The following BRWD1 variants were observed in gnomAD, a reference collection of about 807,000 sequenced individuals.
BRWD1 encodes bromodomain and WD repeat-containing protein 1.
In BRWD1, 82 loss-of-function variants were observed where a neutral mutation model predicts 251.2. That is an observed-to-expected ratio of 0.33 (90% CI 0.27 to 0.39). The LOEUF (loss-of-function observed/expected upper bound fraction) is 0.39, where lower values mean the gene tolerates loss of function less well. BRWD1 is among the 10% of genes least tolerant of loss of function. The probability of loss-of-function intolerance (pLI) is 1.00; values close to 1 mark genes in which losing one functional copy is unlikely to be tolerated. For synonymous variants in BRWD1, 918 were observed against 902.8 expected, an observed-to-expected ratio of 1.02 and a Z score of -0.30; for missense variants, 2,233 against 2,711.6, an observed-to-expected ratio of 0.82 and a Z score of 3.92.
intron 17 of BRWD1, among the ~76,000 whole-genome samples, chr21:39,260,419 C>T (rs2034703755): frequency 6.6e-6 from 1 of 152,028 alleles, no homozygotes; most frequent in Non-Finnish European, 1.5e-5. Context: ...AGATTACAAG[C>T]GTGAGCCACT....
chr21:39,195,183 A>T lies in BRWD1; in HGVS notation c.*1076T>A, dbSNP rs1344693898. 1 of 1,053,020 alleles carries T rather than the reference A, an allele frequency of 9.5e-7. No homozygotes were observed. The highest frequency in any genetic ancestry group is 1.1e-6 in the Non-Finnish European group (1 of 872,994). The allele number at this position is 1,053,020 out of a possible 1,614,324, so 65.2% of individuals were successfully genotyped here. A position where few individuals can be genotyped will look rare whatever the true frequency, so the allele number is the denominator to read the frequency against. On this transcript the variant is annotated 3_prime_UTR_variant, in exon 41 of 41. Transcript: ENST00000342449. Reference sequence around the variant, plus strand: ...GTTGCCCCAGCAAAGAATGCTTAGGATTGCACATGGAAGCAGTAAACTAAA... The same window carrying T: ...GTTGCCCCAGCAAAGAATGCTTAGGTTTGCACATGGAAGCAGTAAACTAAA...
At chr21:39,258,153 C>T (rs1229187240) in intron 18 of BRWD1, among the ~76,000 whole-genome samples, 2 of 152,248 alleles carry the variant, frequency 1.3e-5, no homozygotes, top group Non-Finnish European at 1.5e-5. Flanking sequence ...CTACCCAATA[C>T]AGTTTTTCAA....
chr21:39,211,645 T>C (rs369070005), intron 34 of BRWD1, among the ~76,000 whole-genome samples: 154 of 152,250 alleles, frequency 1.0e-3, no homozygotes, highest in African/African-American at 3.7e-3. Flanking sequence ...TATCAGGTAA[T>C]ACATTTTTAT....
chr21:39,297,763 G>C (rs1317785090), intron 5 of BRWD1: 1 of 584,092 alleles, frequency 1.7e-6, no homozygotes, highest in Non-Finnish European at 2.2e-6. Context: ...AATAATCATG[G>C]GATGAACTTG....
At chr21:39,241,951 C>T (rs1183965032) in intron 21 of BRWD1, among the ~76,000 whole-genome samples, 2 of 152,174 alleles carry the variant, frequency 1.3e-5, no homozygotes, top group East Asian at 1.9e-4. Context: ...TAAGATAGCA[C>T]ACTTAATGAA....
chr21:39,202,307 T>C lies in BRWD1; in HGVS notation c.4585+18A>G, dbSNP rs571142628. The C allele has an allele frequency of 1.6e-4, 249 of 1,578,708 alleles. 1 individual carries two copies. The South Asian group carries it at 2.7e-3, about 17-fold the overall frequency. ...TTGGGTGCTCAGCAAAGAAATAACA[T>C]AGTATTTCACTTCTCACCAGATAAT... is the stretch of plus-strand genomic sequence containing the variant. On this transcript the variant is annotated intron_variant, in intron 38 of 40. Transcript: ENST00000342449.
chr21:39,188,407 C>T lies in BRWD1; in HGVS notation c.*7852G>A. ...GATATCCTCCACCCACACTAGACAT[C>T]TGGAGGACTCCACCACATTCTTTTT... On this transcript the variant is annotated 3_prime_UTR_variant, in exon 41 of 41. Transcript: ENST00000342449. 1 of 985,386 alleles carries T rather than the reference C, an allele frequency of 1.0e-6. No individual in the cohort carries two copies. Among genetic ancestry groups the T allele is most frequent in the Non-Finnish European group, 1.2e-6 (1 of 829,888 alleles). The allele number at this position is 985,386 out of a possible 1,614,324, so 61.0% of individuals were successfully genotyped here.
At chr21:39,284,822 T>C (rs1289983736) in intron 8 of BRWD1, among the ~76,000 whole-genome samples, 4 of 152,232 alleles carry the variant, frequency 2.6e-5, no homozygotes, top group African/African-American at 4.8e-5. Flanking sequence ...ATTAACTCTT[T>C]GTCAGATGCA....
intron 17 of BRWD1, 68 bp from the exon 18 acceptor site, chr21:39,258,740 A>T: frequency 3.5e-6 from 4 of 1,145,842 alleles, no homozygotes; most frequent in Non-Finnish European, 4.7e-6. Context: ...TCGTTAGGGT[A>T]CAAATTAAAA....
intron 21 of BRWD1, among the ~76,000 whole-genome samples, chr21:39,244,672 T>C (rs951287023): frequency 3.3e-5 from 5 of 152,100 alleles, no homozygotes; most frequent in African/African-American, 1.2e-4. Flanking sequence ...CTTTCTAGAA[T>C]GACCTTACGT....
Position 39,250,871 on chromosome 21 carries a change from T to C in BRWD1, c.2274A>G (p.Arg758=). 1.3e-6 allele frequency: 2 copies of C among 1,595,332 alleles called. No homozygotes were observed. Among genetic ancestry groups the C allele is most frequent in the Non-Finnish European group, 1.7e-6 (2 of 1,170,996 alleles). The part of the protein sequence containing the change: ...LGIFRKLEDF[R]LEKGEEERNL... ...TTCTTTCCTCTTCACCTTTCTCTAATCGGAAGTCTTCCAGCTTCCTACAAA... is the reference window on the plus strand; with the variant it reads ...TTCTTTCCTCTTCACCTTTCTCTAACCGGAAGTCTTCCAGCTTCCTACAAA... The change falls in exon 20 of 41, where the codon CGA becomes CGG. Residue 758 remains arginine (R), a synonymous_variant. Transcript: ENST00000342449.
chr21:39,202,381 T>TGA lies in BRWD1; in HGVS notation c.4528_4529insTC (p.Glu1510ValfsTer13). 6.2e-7 allele frequency: 1 copy of TGA among 1,613,940 alleles called. No homozygotes were observed. The highest frequency in any genetic ancestry group is 8.5e-7 in the Non-Finnish European group (1 of 1,179,850). On this transcript the variant is annotated frameshift_variant, in exon 38 of 41. Transcript: ENST00000342449. LOFTEE classifies it high-confidence loss of function. ...ATTTCTTTTCCTCCTTTCTGATGAT[T>TGA]CTGCTGAATCTGAAGAGTCACCAGA...
In BRWD1 at chr21:39,188,789, A is replaced by C. The variant is rs1328327354; in HGVS notation, c.*7470T>G. 2 of 985,266 alleles carry C rather than the reference A, an allele frequency of 2.0e-6. No homozygotes were observed. The highest frequency in any genetic ancestry group is 2.4e-6 in the Non-Finnish European group (2 of 829,916). The allele number at this position is 985,266 out of a possible 1,614,324, so 61.0% of individuals were successfully genotyped here. ...TATTCAAAGCAACCCCACCACATACACATCAGTTCCTTTTGCCAACTAACT... is the reference window on the plus strand; with the variant it reads ...TATTCAAAGCAACCCCACCACATACCCATCAGTTCCTTTTGCCAACTAACT... On this transcript the variant is annotated 3_prime_UTR_variant, in exon 41 of 41. Coordinates refer to ENST00000342449, the MANE Select transcript of BRWD1 (RefSeq NM_033656.4).
intron 15 of BRWD1, among the ~76,000 whole-genome samples, chr21:39,269,019 A>G (rs560776625): frequency 5.9e-5 from 9 of 152,100 alleles, no homozygotes; most frequent in African/African-American, 1.9e-4. Flanking sequence ...GAAAAAAAAG[A>G]AACCTAGAAA....
intron 8 of BRWD1, among the ~76,000 whole-genome samples, chr21:39,281,957 T>C (rs1421470103): frequency 4.6e-5 from 7 of 151,416 alleles, no homozygotes; most frequent in Non-Finnish European, 1.0e-4. Context: ...TATGTAGACA[T>C]ATATGTATAC....
chr21:39,254,452 G>C (rs1224764988), intron 19 of BRWD1, among the ~76,000 whole-genome samples: 3 of 152,154 alleles, frequency 2.0e-5, no homozygotes, highest in Non-Finnish European at 4.4e-5. Flanking sequence ...GGCTAGAAAA[G>C]AGATGATTTA....
In BRWD1 at chr21:39,191,695, A is replaced by G; in HGVS notation, c.*4564T>C. 1.0e-6 allele frequency: 1 copy of G among 985,244 alleles called. No individual in the cohort carries two copies. The highest frequency in any genetic ancestry group is 1.2e-6 in the Non-Finnish European group (1 of 829,816). 61.0% of individuals were successfully genotyped at this position (985,244 alleles called of 1,614,324 possible). ...TTTTACCCACTGATCAAAAAAGGTAATTTTTAAAATGATTTACCTTGTAAA... is the reference window on the plus strand; with the variant it reads ...TTTTACCCACTGATCAAAAAAGGTAGTTTTTAAAATGATTTACCTTGTAAA... On this transcript the variant is annotated 3_prime_UTR_variant, in exon 41 of 41. Coordinates refer to ENST00000342449, the MANE Select transcript of BRWD1 (RefSeq NM_033656.4).
chr21:39,281,195 G>A (rs529367744), intron 8 of BRWD1, among the ~76,000 whole-genome samples: 4 of 152,166 alleles, frequency 2.6e-5, no homozygotes, highest in Non-Finnish European at 4.4e-5. Flanking sequence ...AAGGGTAACT[G>A]TACTTTTCAA....
chr21:39,313,382 G>C, intron 1 of BRWD1, 61 bp downstream of exon 1: 1 of 1,479,836 alleles, frequency 6.8e-7, no homozygotes. Flanking sequence ...AGCCCGGGGA[G>C]CCGGGGAAGC....
Sources: allele counts gnomAD v4.1 joint callset (sites outside exome capture counted in the v4.1 genomes callset), GRCh38; gene constraint gnomAD v4.1.1; transcripts MANE v1.5; gene names NCBI Gene and HGNC (gene_info 2026-07-23, HGNC 2026-07-21).